SH3TC2: variants seen among roughly 807,000 people sequenced by gnomAD.
The protein encoded by SH3TC2 is SH3 domain and tetratricopeptide repeat-containing protein 2.
In SH3TC2, 87 loss-of-function variants were observed where a neutral mutation model predicts 124.5. That is an observed-to-expected ratio of 0.70 (90% CI 0.59 to 0.84). The LOEUF (loss-of-function observed/expected upper bound fraction) is 0.84, where lower values mean the gene tolerates loss of function less well. Ranked by LOEUF, SH3TC2 falls within the 40% of genes least tolerant of loss-of-function variation. SH3TC2 has a pLI of 0.00. For missense variants in SH3TC2, 1,536 were observed against 1,566.4 expected (o/e 0.98, Z 0.33); for synonymous variants, 634 against 628.5 (o/e 1.01, Z -0.13).
At chr5:149,035,587 T>C (rs1351772450) in intron 8 of SH3TC2, 1 of 152,524 alleles carries the variant, frequency 6.6e-6, no homozygotes, top group African/African-American at 2.4e-5. Context: ...CAAGGAGCTC[T>C]GATATCTGGA....
chr5:149,048,415 GACA>G (rs1754503920), intron 2 of SH3TC2, among the ~76,000 whole-genome samples: 1 of 152,022 alleles, frequency 6.6e-6, no homozygotes, highest in African/African-American at 2.4e-5. Flanking sequence ...ATATGTAATA[GACA>G]TATACTTTGT....
At position 148,994,640 on chromosome 5, in the gene SH3TC2, TTGGTTGGTTGG is replaced by T. The variant is rs1753475758; in HGVS notation, c.*10060_*10070del. Among the ~76,000 whole-genome samples the T allele has an allele frequency of 6.6e-6, 1 of 151,466 alleles. No individual in the cohort carries two copies. Among genetic ancestry groups the T allele is most frequent in the Non-Finnish European group, 1.5e-5 (1 of 67,868 alleles). On this transcript the variant is annotated 3_prime_UTR_variant, in exon 17 of 17. Coordinates refer to ENST00000515425, the MANE Select transcript of SH3TC2 (RefSeq NM_024577.4). ...GTTGGTTGGTTGGTTGGTTGGTTGG[TTGGTTGGTTGG>T]TTGGTTGGTTAATTGGCTGGTTGGA...
At chr5:149,056,420 A>G (rs530157125) in intron 1 of SH3TC2, among the ~76,000 whole-genome samples, 1 of 152,312 alleles carries the variant, frequency 6.6e-6, no homozygotes, top group South Asian at 2.1e-4. Flanking sequence ...AGCTCCATCC[A>G]TGTCTCATGA....
chr5:149,009,026 TTAGTCTAGC>T lies in SH3TC2; in HGVS notation c.3328-34_3328-26del, dbSNP rs749117806. 98 of 1,614,102 alleles carry T rather than the reference TTAGTCTAGC, an allele frequency of 6.1e-5. 2 individuals carry two copies. In the Middle Eastern group the frequency reaches 3.6e-3, roughly 60 times the overall value. ...CCTAGGAACAGAAGCCCAAGGAACC[TTAGTCTAGC>T]TAGGAATCCTCAGTGCATACCATAG... On this transcript the variant is annotated intron_variant, in intron 14 of 16. Coordinates refer to ENST00000515425, the MANE Select transcript of SH3TC2 (RefSeq NM_024577.4).
chr5:149,020,772 T>G (rs1456163742), intron 12 of SH3TC2, among the ~76,000 whole-genome samples: 2 of 152,146 alleles, frequency 1.3e-5, no homozygotes, highest in African/African-American at 4.8e-5. Context: ...TAAATATATA[T>G]GCAGCACCTA....
chr5:149,007,171 T>A, intron 15 of SH3TC2, 94 bp from the exon 16 acceptor site: 2 of 1,187,364 alleles, frequency 1.7e-6, no homozygotes, highest in Non-Finnish European at 2.5e-6. Context: ...GAAGGTCTAC[T>A]AGATGTCAGG....
At chr5:149,039,224 G>A (rs945935659) in intron 7 of SH3TC2, among the ~76,000 whole-genome samples, 3 of 152,190 alleles carry the variant, frequency 2.0e-5, no homozygotes, top group Admixed American at 6.5e-5. Flanking sequence ...TTTCTGTCCA[G>A]TTTACAAAGT....
rs1350173254 is a variant in SH3TC2 at position 149,028,724 on chromosome 5, T to C, written c.1136-6A>G. On this transcript the variant is annotated splice_region_variant and splice_polypyrimidine_tract_variant and intron_variant, in intron 9 of 16. Coordinates refer to ENST00000515425, the MANE Select transcript of SH3TC2 (RefSeq NM_024577.4). ...CTGGATGGATTCAAACCCACCTAAG[T>C]AGAGATGAAGAACAGGTCTGGTGTT... is the stretch of plus-strand genomic sequence containing the variant. 1.2e-6 allele frequency: 2 copies of C among 1,613,988 alleles called. No individual in the cohort carries two copies. Among genetic ancestry groups the C allele is most frequent in the East Asian group, 2.2e-5 (1 of 44,884 alleles).
At chr5:149,052,024 T>C in intron 2 of SH3TC2, 118 bp downstream of exon 2, 3 of 784,718 alleles carry the variant, frequency 3.8e-6, no homozygotes, top group South Asian at 1.4e-5. Context: ...GCAAATAGCA[T>C]AGTCAAAATC....
At chr5:149,059,802 G>A (rs1213568724) in intron 1 of SH3TC2, among the ~76,000 whole-genome samples, 2 of 152,144 alleles carry the variant, frequency 1.3e-5, no homozygotes, top group Non-Finnish European at 2.9e-5. Flanking sequence ...GAGAGAAGGA[G>A]AATGAGATTG....
At position 148,997,822 on chromosome 5, in the gene SH3TC2, T is replaced by C. The variant is rs938285128; in HGVS notation, c.*6889A>G. On this transcript the variant is annotated 3_prime_UTR_variant, in exon 17 of 17. Coordinates refer to ENST00000515425, the MANE Select transcript of SH3TC2 (RefSeq NM_024577.4). ...ACCTCAGTGGAGATAAAAATAATAG[T>C]AACTACACCAAAATGTTGTGTGATT... Among the ~76,000 whole-genome samples the C allele has an allele frequency of 6.6e-6, 1 of 152,188 alleles. No homozygotes were observed. Among genetic ancestry groups the C allele is most frequent in the African/African-American group, 2.4e-5 (1 of 41,444 alleles).
In SH3TC2 at chr5:148,985,146, GA is replaced by G. The variant is rs5872105; in HGVS notation, c.*19564del. 2.0e-4 allele frequency among the ~76,000 whole-genome samples: 30 copies of G among 148,904 alleles called. No homozygotes were observed. Among genetic ancestry groups the G allele is most frequent in the South Asian group, 6.4e-4 (3 of 4,714 alleles). ...TGAATAAGAATGAGCTACTTTTCTG[GA>G]AAAAAAAAAAACTATTCACTCAAAG... On this transcript the variant is annotated 3_prime_UTR_variant, in exon 17 of 17. Coordinates refer to ENST00000515425, the MANE Select transcript of SH3TC2 (RefSeq NM_024577.4).
intron 1 of SH3TC2, among the ~76,000 whole-genome samples, chr5:149,061,691 A>G (rs1754751578): frequency 6.6e-6 from 1 of 152,188 alleles, no homozygotes; most frequent in African/African-American, 2.4e-5. Flanking sequence ...AGCCAAGATG[A>G]CAACTGCATA....
chr5:149,037,555 C>T (rs965528804), intron 8 of SH3TC2, among the ~76,000 whole-genome samples: 3 of 152,176 alleles, frequency 2.0e-5, no homozygotes, highest in African/African-American at 7.2e-5. Context: ...GCCACATTTT[C>T]CCAGTGTAGG....
intron 12 of SH3TC2, among the ~76,000 whole-genome samples, chr5:149,017,714 C>T (rs1580894510): frequency 6.6e-6 from 1 of 152,198 alleles, no homozygotes; most frequent in South Asian, 2.1e-4. Context: ...TGATGAAAAA[C>T]GAGGCCCCTC....
chr5:149,062,902 G>T (rs907134029), intron 1 of SH3TC2, 69 bp downstream of exon 1: 2 of 1,448,614 alleles, frequency 1.4e-6, no homozygotes, highest in African/African-American at 1.4e-5. Flanking sequence ...AACCCAGCAG[G>T]TCCCTGAGCC....
rs1178303477 is a variant in SH3TC2 at position 148,992,611 on chromosome 5, T to TTG, written c.*12099_*12100insCA. 1.3e-5 allele frequency among the ~76,000 whole-genome samples: 2 copies of TTG among 150,544 alleles called. No individual in the cohort carries two copies. Among genetic ancestry groups the TTG allele is most frequent in the African/African-American group, 4.9e-5 (2 of 40,972 alleles). On this transcript the variant is annotated 3_prime_UTR_variant, in exon 17 of 17. Transcript: ENST00000515425. The stretch of plus-strand genomic sequence containing the variant: ...AAGAGATTTCATTGGTTTTTTTTTT[T>TTG]TTTTTTTTTTTCAGATTTTCGAAGG...
rs1338526290 is a variant in SH3TC2, at chr5:148,990,723, C to T, written c.*13988G>A. On this transcript the variant is annotated 3_prime_UTR_variant, in exon 17 of 17. Transcript: ENST00000515425. The stretch of plus-strand genomic sequence containing the variant: ...AAAGAATTTAATCCAATGCTTTATA[C>T]ACCATAAATGCTCAGTAAACATTAG... 6.6e-6 allele frequency among the ~76,000 whole-genome samples: 1 copy of T among 152,202 alleles called. No homozygotes were observed. The highest frequency in any genetic ancestry group is 1.5e-5 in the Non-Finnish European group (1 of 68,044).
chr5:149,037,221 A>T (rs1283247984), intron 8 of SH3TC2, among the ~76,000 whole-genome samples: 1 of 152,092 alleles, frequency 6.6e-6, no homozygotes, highest in Non-Finnish European at 1.5e-5. Context: ...TTTCCCATCA[A>T]CATCTGTTGA....
Sources: allele counts gnomAD v4.1 joint callset (sites outside exome capture counted in the v4.1 genomes callset), GRCh38; gene constraint gnomAD v4.1.1; transcripts MANE v1.5; gene names NCBI Gene and HGNC (gene_info 2026-07-23, HGNC 2026-07-21).